The following CDH13 variants were observed in gnomAD, a reference collection of about 807,000 sequenced individuals.
CDH13 encodes the protein cadherin-13.
CDH13 carries 24 observed loss-of-function variants against 63.8 expected under a neutral mutation model. The ratio of observed to expected loss-of-function variants is 0.38; its 90% CI spans 0.27 to 0.53. CDH13 has a LOEUF of 0.53. Ranked by LOEUF, CDH13 falls within the 20% of genes least tolerant of loss-of-function variation. The pLI, the probability that CDH13 is intolerant of heterozygous loss-of-function variation, is 0.85. For synonymous variants in CDH13, 503 were observed against 355.3 expected, an observed-to-expected ratio of 1.42 and a Z score of -4.67; for missense variants, 1,049 against 903.1, an observed-to-expected ratio of 1.16 and a Z score of -2.07.
At chr16:82,646,006 A>C (rs1476823786) in intron 1 of CDH13, among the ~76,000 whole-genome samples, 1 of 152,244 alleles carries the variant, frequency 6.6e-6, no homozygotes, top group Non-Finnish European at 1.5e-5. Context: ...TCTACTGGAC[A>C]AAAGTTGACC....
At chr16:83,271,444 AAAAAAAAATT>A (rs2088809827) in intron 5 of CDH13, among the ~76,000 whole-genome samples, 1 of 137,694 alleles carries the variant, frequency 7.3e-6, no homozygotes. Context: ...AAAAAAAAAA[AAAAAAAAATT>A]CATGGTTGCT....
chr16:83,659,924 C>A (rs1179957978), intron 8 of CDH13, among the ~76,000 whole-genome samples: 1 of 151,662 alleles, frequency 6.6e-6, no homozygotes, highest in Non-Finnish European at 1.5e-5. Context: ...GTAGCGGGGA[C>A]TACAGGCACC....
At chr16:82,705,435 G>A (rs2031412360) in intron 1 of CDH13, among the ~76,000 whole-genome samples, 2 of 152,182 alleles carry the variant, frequency 1.3e-5, no homozygotes, top group South Asian at 2.1e-4. Flanking sequence ...ACGACAACCC[G>A]GGATCCTAGA....
intron 11 of CDH13, among the ~76,000 whole-genome samples, chr16:83,748,766 A>G (rs916659402): frequency 2.1e-4 from 32 of 152,244 alleles, no homozygotes; most frequent in Non-Finnish European, 4.4e-5. Context: ...CACTATCCAT[A>G]TGCCAGCCCC....
chr16:82,774,241 A>G (rs72805943), intron 1 of CDH13, among the ~76,000 whole-genome samples: 1 of 152,332 alleles, frequency 6.6e-6, no homozygotes, highest in Non-Finnish European at 1.5e-5. Context: ...ACAAAAAAAT[A>G]AGAAAGAATA....
rs542526485 is a variant in CDH13 at position 83,264,076 on chromosome 16, A to C, written c.636+46579A>C. On this transcript the variant is annotated intron_variant, in intron 5 of 13. Transcript: ENST00000567109. ...TTTATTAGCATGTGATTTTCTTAAC[A>C]TACTGCCATTATCATAAGTTGGACA... 5.3e-5 allele frequency among the ~76,000 whole-genome samples: 8 copies of C among 152,318 alleles called. No homozygotes were observed. The East Asian group carries it at 1.5e-3, about 29-fold the overall frequency.
chr16:83,541,894 C>G (rs1391915859), intron 7 of CDH13, among the ~76,000 whole-genome samples: 7 of 152,302 alleles, frequency 4.6e-5, no homozygotes. Context: ...AATGCAAGCC[C>G]CATGGGACAG....
chr16:83,780,902 G>GACTTTT (rs1915473394), intron 12 of CDH13, among the ~76,000 whole-genome samples: 1 of 152,162 alleles, frequency 6.6e-6, no homozygotes, highest in African/African-American at 2.4e-5. Context: ...GCATTGGAGA[G>GACTTTT]GCTTTTCGTG....
intron 2 of CDH13, among the ~76,000 whole-genome samples, chr16:82,929,681 A>AAAAAAAAAAAC (rs2042420354): frequency 7.1e-6 from 1 of 140,164 alleles, no homozygotes; most frequent in African/African-American, 2.6e-5. Context: ...AAAAAAAAAA[A>AAAAAAAAAAAC]AAGAAGACAG....
chr16:83,055,373 G>A (rs1003298677), intron 3 of CDH13, among the ~76,000 whole-genome samples: 2 of 148,144 alleles, frequency 1.4e-5, no homozygotes, highest in African/African-American at 2.6e-5. Context: ...TCCCTAGTAA[G>A]GGTAATTAAG....
chr16:82,776,730 A>T (rs1186143540), intron 1 of CDH13, among the ~76,000 whole-genome samples: 31 of 152,192 alleles, frequency 2.0e-4, no homozygotes, highest in Admixed American at 2.0e-3. Context: ...TAATGGGGGA[A>T]CCACCTTGGA....
At chr16:83,684,948 A>G (rs1598475689) in intron 10 of CDH13, among the ~76,000 whole-genome samples, 1 of 152,048 alleles carries the variant, frequency 6.6e-6, no homozygotes, top group Non-Finnish European at 1.5e-5. Flanking sequence ...TGGCAGCCCC[A>G]CACGGCCCCA....
At chr16:83,325,699 T>C (rs1327412909) in intron 5 of CDH13, among the ~76,000 whole-genome samples, 2 of 152,188 alleles carry the variant, frequency 1.3e-5, no homozygotes, top group Non-Finnish European at 2.9e-5. Context: ...CTCTGTTTTC[T>C]CTCCCCAGAA....
intron 6 of CDH13, among the ~76,000 whole-genome samples, chr16:83,390,794 A>G (rs2151428766): frequency 6.6e-6 from 1 of 152,294 alleles, no homozygotes; most frequent in Non-Finnish European, 1.5e-5. Context: ...AAATAAAAAT[A>G]TTTATTCAGC....
At chr16:83,073,840 ATTTATT>A (rs987949595) in intron 3 of CDH13, among the ~76,000 whole-genome samples, 10 of 152,020 alleles carry the variant, frequency 6.6e-5, no homozygotes, top group Non-Finnish European at 1.5e-4. Context: ...CCAGTGACAG[ATTTATT>A]TTTAAGTTTT....
At chr16:82,862,337 C>T (rs140640228) in intron 2 of CDH13, among the ~76,000 whole-genome samples, 1 of 152,210 alleles carries the variant, frequency 6.6e-6, no homozygotes, top group African/African-American at 2.4e-5. Flanking sequence ...GTGATAAAAT[C>T]TGACTATCCT....
rs947751328 is a variant in CDH13, at chr16:83,442,600, T to C, written c.782-43877T>C. Among the ~76,000 whole-genome samples the C allele has an allele frequency of 2.6e-5, 4 of 152,368 alleles. No individual in the cohort carries two copies. The South Asian group carries it at 6.2e-4, about 24-fold the overall frequency. On this transcript the variant is annotated intron_variant, in intron 6 of 13. Transcript: ENST00000567109. ...TAGATTTATAGTCAATACTTCAGCC[T>C]TTCTATGACAAGAAGCTTATATTTT...
chr16:83,040,243 T>G (rs138912488), intron 3 of CDH13, among the ~76,000 whole-genome samples: 3 of 152,074 alleles, frequency 2.0e-5, no homozygotes, highest in Non-Finnish European at 4.4e-5. Context: ...AACACGTGTG[T>G]ATTAGTCAAG....
chr16:83,009,431 C>G (rs1913888862), intron 2 of CDH13, among the ~76,000 whole-genome samples: 1 of 152,158 alleles, frequency 6.6e-6, no homozygotes, highest in East Asian at 1.9e-4. Context: ...TTGTAGGTGT[C>G]TTTCTATGTA....
Sources: allele counts gnomAD v4.1 joint callset (sites outside exome capture counted in the v4.1 genomes callset), GRCh38; gene constraint gnomAD v4.1.1; transcripts MANE v1.5; gene names NCBI Gene and HGNC (gene_info 2026-07-23, HGNC 2026-07-21).